The following NALCN variants were observed in gnomAD, a reference collection of about 807,000 sequenced individuals.
NALCN encodes the protein sodium leak channel, non-selective, also known as sodium leak channel NALCN.
NALCN carries 111 observed loss-of-function variants against 225.3 expected under a neutral mutation model. The observed-to-expected ratio is 0.49, with a 90% confidence interval of 0.42 to 0.58. NALCN has a LOEUF of 0.58. Among genes scored for constraint, NALCN ranks in the 20% least tolerant of loss-of-function variants. The pLI is 0.00. For synonymous variants in NALCN, 764 were observed against 769.0 expected (o/e 0.99, Z 0.11); for missense variants, 1,378 against 2,202.4 (o/e 0.63, Z 7.49).
At chr13:101,270,056 T>C (rs1248036144) in intron 10 of NALCN, among the ~76,000 whole-genome samples, 1 of 152,230 alleles carries the variant, frequency 6.6e-6, no homozygotes. Flanking sequence ...TAGACTTCAG[T>C]ACTGAGTTCC....
intron 13 of NALCN, among the ~76,000 whole-genome samples, chr13:101,200,118 T>C (rs2040058153): frequency 6.6e-6 from 1 of 152,058 alleles, no homozygotes. Context: ...CAGCCCCACC[T>C]CCAGAATCAA....
At chr13:101,233,297 T>A (rs570880306) in intron 12 of NALCN, among the ~76,000 whole-genome samples, 4 of 152,104 alleles carry the variant, frequency 2.6e-5, no homozygotes, top group Non-Finnish European at 4.4e-5. Context: ...AGAAATTGCA[T>A]AGTTAAGAAT....
chr13:101,222,038 AAACCTCCT>A (rs2040960320), intron 13 of NALCN, among the ~76,000 whole-genome samples: 1 of 152,082 alleles, frequency 6.6e-6, no homozygotes, highest in African/African-American at 2.4e-5. Flanking sequence ...TAGACATTCC[AAACCTCCT>A]AAGACCTTTT....
chr13:101,074,704 G>A (rs557920213), intron 35 of NALCN, 42 bp from the exon 36 acceptor site: 1 of 1,549,212 alleles, frequency 6.5e-7, no homozygotes, highest in Non-Finnish European at 8.6e-7. Flanking sequence ...GAGAGAGAGA[G>A]AGAGAGAGAC....
At chr13:101,173,344 A>G (rs1033463043) in intron 15 of NALCN, among the ~76,000 whole-genome samples, 3 of 152,144 alleles carry the variant, frequency 2.0e-5, no homozygotes, top group African/African-American at 7.2e-5. Flanking sequence ...TGGCCTTTAT[A>G]TAGCTTTAGT....
intron 11 of NALCN, among the ~76,000 whole-genome samples, chr13:101,254,616 G>C (rs2042164792): frequency 1.4e-5 from 1 of 72,768 alleles, no homozygotes; most frequent in African/African-American, 3.8e-5. Flanking sequence ...ATGTGGCCGG[G>C]CGCGGTGGCT....
chr13:101,262,514 T>C (rs2042462085), intron 10 of NALCN, among the ~76,000 whole-genome samples: 1 of 152,288 alleles, frequency 6.6e-6, no homozygotes, highest in African/African-American at 2.4e-5. Context: ...CCACCACACA[T>C]CCTCTTTCTG....
At chr13:101,246,942 C>T (rs1227746756) in intron 11 of NALCN, among the ~76,000 whole-genome samples, 1 of 152,068 alleles carries the variant, frequency 6.6e-6, no homozygotes, top group Non-Finnish European at 1.5e-5. Flanking sequence ...TTTATGAAAC[C>T]CCTTCTGTTT....
intron 37 of NALCN, among the ~76,000 whole-genome samples, chr13:101,072,957 G>A (rs2032998662): frequency 6.6e-6 from 1 of 152,152 alleles, no homozygotes; most frequent in African/African-American, 2.4e-5. Context: ...GTCCTACGGT[G>A]AGAAAGAGAT....
upstream of NALCN, chr13:101,416,561 G>A (rs1300186269): frequency 6.6e-6 from 1 of 152,210 alleles, no homozygotes; most frequent in East Asian, 1.9e-4. Context: ...CGGAGTTTTC[G>A]GGCCTTTAAA....
intron 10 of NALCN, among the ~76,000 whole-genome samples, chr13:101,282,301 A>AT (rs2043193108): frequency 1.3e-5 from 2 of 152,206 alleles, no homozygotes; most frequent in Non-Finnish European, 2.9e-5. Flanking sequence ...TGGTATAGAC[A>AT]TACAATGAAA....
Position 101,079,623 on chromosome 13 carries a change from T to C in NALCN, c.3885+1904A>G, listed in dbSNP as rs571716074. ...CATAGTCATTATACTCATAGATTTG[T>C]GAGCAATTGATGACTATCTATCTAC... On this transcript the variant is annotated intron_variant, in intron 34 of 43. Coordinates refer to ENST00000251127, the MANE Select transcript of NALCN (RefSeq NM_052867.4). Among the ~76,000 whole-genome samples the C allele has an allele frequency of 7.2e-5, 11 of 152,328 alleles. No individual in the cohort carries two copies. In the East Asian group the frequency reaches 2.1e-3, roughly 29 times the overall value.
intron 15 of NALCN, among the ~76,000 whole-genome samples, chr13:101,161,217 C>T (rs998820320): frequency 1.3e-5 from 2 of 152,186 alleles, no homozygotes; most frequent in African/African-American, 4.8e-5. Context: ...TGAATGTCCA[C>T]ATTTATATCT....
intron 10 of NALCN, among the ~76,000 whole-genome samples, chr13:101,277,454 A>C (rs958396787): frequency 6.6e-6 from 1 of 152,176 alleles, no homozygotes; most frequent in African/African-American, 2.4e-5. Flanking sequence ...AATCTTTGTG[A>C]TCTAAAGTTA....
At chr13:101,181,684 G>A (rs190655924) in intron 14 of NALCN, among the ~76,000 whole-genome samples, 17 of 152,204 alleles carry the variant, frequency 1.1e-4, no homozygotes, top group Non-Finnish European at 2.2e-4. Flanking sequence ...CGAGGCTGCA[G>A]TGAGCTGTGA....
intron 12 of NALCN, among the ~76,000 whole-genome samples, chr13:101,234,767 A>G (rs1265034806): frequency 6.6e-6 from 1 of 152,206 alleles, no homozygotes; most frequent in East Asian, 1.9e-4. Context: ...AATAATCCAA[A>G]ATCAAAGACA....
At chr13:101,415,271 C>T (rs1324196042) in intron 1 of NALCN, among the ~76,000 whole-genome samples, 1 of 145,182 alleles carries the variant, frequency 6.9e-6, no homozygotes, top group African/African-American at 2.5e-5. Flanking sequence ...TTTTGATCCC[C>T]TATTAGAGGT....
At chr13:101,126,077 A>G (rs756307941) in intron 17 of NALCN, among the ~76,000 whole-genome samples, 1 of 152,252 alleles carries the variant, frequency 6.6e-6, no homozygotes, top group Non-Finnish European at 1.5e-5. Context: ...CAAAGCTATG[A>G]ACAAATGCTA....
At chr13:101,058,429 G>T in intron 42 of NALCN, 5 of 156,850 alleles carry the variant, frequency 3.2e-5, no homozygotes, top group South Asian at 3.7e-4. Flanking sequence ...GGCGGGGGCA[G>T]TCTACTGTCA....
Sources: allele counts gnomAD v4.1 joint callset (sites outside exome capture counted in the v4.1 genomes callset), GRCh38; gene constraint gnomAD v4.1.1; transcripts MANE v1.5; gene names NCBI Gene and HGNC (gene_info 2026-07-23, HGNC 2026-07-21).